EVC: variants seen among roughly 807,000 people sequenced by gnomAD.
EVC encodes the protein EvC ciliary complex subunit 1.
A neutral mutation model predicts 118.9 loss-of-function variants in EVC; 116 were observed. The ratio of observed to expected loss-of-function variants is 0.98; its 90% CI spans 0.84 to 1.14. The LOEUF is 1.14. EVC is among the 50% of genes most tolerant of loss of function. The probability of loss-of-function intolerance (pLI) is 0.00; values close to 1 mark genes in which losing one functional copy is unlikely to be tolerated. For missense variants in EVC, 1,401 were observed against 1,246.4 expected, an observed-to-expected ratio of 1.12 and a Z score of -1.87; for synonymous variants, 619 against 534.7, an observed-to-expected ratio of 1.16 and a Z score of -2.18.
intron 11 of EVC, among the ~76,000 whole-genome samples, chr4:5,779,156 T>C (rs956579436): frequency 6.6e-6 from 1 of 150,596 alleles, no homozygotes; most frequent in African/African-American, 2.4e-5. Flanking sequence ...GTTGTAGATA[T>C]GCGGCATTAT....
chr4:5,808,114 G>C, intron 17 of EVC, 87 bp from the exon 18 acceptor site: 1 of 939,838 alleles, frequency 1.1e-6, no homozygotes, highest in Non-Finnish European at 1.5e-6. Flanking sequence ...GGGATCAGCA[G>C]CCTCCCTGCC....
chr4:5,796,247 C>T (rs983597465), intron 13 of EVC, among the ~76,000 whole-genome samples: 2 of 151,810 alleles, frequency 1.3e-5, no homozygotes, highest in African/African-American at 2.4e-5. Flanking sequence ...AAGGTTGTGT[C>T]TGACGATTCT....
chr4:5,790,096 C>T (rs1163023442), intron 12 of EVC, among the ~76,000 whole-genome samples: 1 of 147,460 alleles, frequency 6.8e-6, no homozygotes, highest in Non-Finnish European at 1.5e-5. Flanking sequence ...CAGGAGAATC[C>T]CTTGAACTCG....
chr4:5,798,546 AGG>A lies in EVC; in HGVS notation c.2098-39_2098-38del. The stretch of plus-strand genomic sequence containing the variant: ...GTCCTGGCCAGAGCTTCTCTGTGAG[AGG>A]AGCACTTGGCCCCTGCTCCCAGTCC... On this transcript the variant is annotated intron_variant, in intron 14 of 20. Transcript: ENST00000264956. The surrounding 1 kb of genome is among the most constrained non-coding windows in gnomAD (Gnocchi z 4.1). The A allele has an allele frequency of 6.5e-7, 1 of 1,536,754 alleles. No individual in the cohort carries two copies. Among genetic ancestry groups the A allele is most frequent in the African/African-American group, 1.4e-5 (1 of 72,850 alleles).
chr4:5,719,079 G>A lies in EVC; in HGVS notation c.175-169G>A, dbSNP rs1009528522. Among the ~76,000 whole-genome samples, 1 of 152,100 alleles carries A rather than the reference G, an allele frequency of 6.6e-6. No individual in the cohort carries two copies. Among genetic ancestry groups the A allele is most frequent in the African/African-American group, 2.4e-5 (1 of 41,400 alleles). On this transcript the variant is annotated intron_variant, in intron 1 of 20. Transcript: ENST00000264956. This position sits in a 1 kb window ranked among gnomAD's most constrained non-coding sequence, Gnocchi z 4.7. ...GAAGGACATGTAGCGGACCCCACGT[G>A]GGGTGGGAGGCGTCACACACAGAAG...
intron 11 of EVC, among the ~76,000 whole-genome samples, chr4:5,767,046 A>T (rs1186963381): frequency 3.4e-5 from 5 of 148,322 alleles, no homozygotes; most frequent in East Asian, 4.1e-4. Context: ...CTACTTTTGG[A>T]CTTTGACGAT....
rs1213349479 is a variant in EVC, at chr4:5,754,186, G to C, written c.1464+253G>C. On this transcript the variant is annotated intron_variant, in intron 10 of 20. Transcript: ENST00000264956. This position sits in a 1 kb window ranked among gnomAD's most constrained non-coding sequence, Gnocchi z 5.8. ...AAGAGGAGGGGGTAGGATCCGTAGA[G>C]AGCTTGGCAGAGTGCAGACGCATGG... 6.6e-6 allele frequency among the ~76,000 whole-genome samples: 1 copy of C among 152,218 alleles called. No homozygotes were observed. Among genetic ancestry groups the C allele is most frequent in the Non-Finnish European group, 1.5e-5 (1 of 68,044 alleles).
rs912786367 is a variant in EVC, at chr4:5,752,589, G to C, written c.1099-247G>C. 5 of 588,690 alleles carry C rather than the reference G, an allele frequency of 8.5e-6. No homozygotes were observed. The South Asian group carries it at 9.9e-5, about 12-fold the overall frequency. The allele number at this position is 588,690 out of a possible 1,614,324, so 36.5% of individuals were successfully genotyped here. A position where few individuals can be genotyped will look rare whatever the true frequency, so the allele number is the denominator to read the frequency against. ...TGGCCCTCTGGGGAGCGCTACTGGT[G>C]ACTAAGTGCCTACATGCTAAGCTGC... On this transcript the variant is annotated intron_variant, in intron 8 of 20. Coordinates refer to ENST00000264956, the MANE Select transcript of EVC (RefSeq NM_153717.3).
chr4:5,821,452 G>C, the EVC span: 2 of 382,312 alleles, frequency 5.2e-6, no homozygotes, highest in Non-Finnish European at 9.6e-6. This position sits in a 1 kb window ranked among gnomAD's most constrained non-coding sequence, Gnocchi z 4.4. Flanking sequence ...CATGGAGCCA[G>C]TGGAGTTAGA....
the EVC span, chr4:5,824,178 G>A: frequency 4.7e-4 from 180 of 383,240 alleles, no homozygotes; most frequent in Admixed American, 8.4e-4. Flanking sequence ...CATAACTCCA[G>A]AACAGTGGTC....
intron 11 of EVC, among the ~76,000 whole-genome samples, chr4:5,771,327 C>A (rs923960976): frequency 6.6e-6 from 1 of 152,114 alleles, no homozygotes; most frequent in Non-Finnish European, 1.5e-5. Context: ...TCTTCAGGGC[C>A]GGCTACTCCT....
At position 5,756,297 on chromosome 4, in the gene EVC, A is replaced by G. The variant is rs1390628791; in HGVS notation, c.1498A>G (p.Met500Val). The change falls in exon 11 of 21, where the codon ATG becomes GTG. Residue 500 changes from methionine (M) to valine (V), a missense_variant. Met to Val is a conservative substitution (Grantham distance 21). Transcript: ENST00000264956. This position sits in a 1 kb window ranked among gnomAD's most constrained non-coding sequence, Gnocchi z 4.2. ...TGAGGTCCTGGAGAGGCAGAGGCTG[A>G]TGCAGTGTGACCTGGAGGAAGAGGA... ...FHEVLERQRL[M>V]QCDLEEEENV... 6.2e-7 allele frequency: 1 copy of G among 1,612,882 alleles called. No individual in the cohort carries two copies. The highest frequency in any genetic ancestry group is 1.1e-5 in the South Asian group (1 of 90,534).
Position 5,731,956 on chromosome 4 carries a change from G to A in EVC, c.617+299G>A, listed in dbSNP as rs1200482657. Reference sequence around the variant, plus strand: ...CGAAGTTGATTAAGTGGGTACTTCTGAGTACCGGGCAGAGTGCTAAGCACT... The same window carrying A: ...CGAAGTTGATTAAGTGGGTACTTCTAAGTACCGGGCAGAGTGCTAAGCACT... On this transcript the variant is annotated intron_variant, in intron 4 of 20. Coordinates refer to ENST00000264956, the MANE Select transcript of EVC (RefSeq NM_153717.3). This position sits in a 1 kb window ranked among gnomAD's most constrained non-coding sequence, Gnocchi z 5.6. 2.1e-5 allele frequency among the ~76,000 whole-genome samples: 3 copies of A among 142,880 alleles called. No homozygotes were observed. Among genetic ancestry groups the A allele is most frequent in the Admixed American group, 2.0e-4 (3 of 14,648 alleles). 93.7% of individuals were successfully genotyped at this position (142,880 alleles called of 152,430 possible). A position where few individuals can be genotyped will look rare whatever the true frequency, so the allele number is the denominator to read the frequency against.
At chr4:5,822,495 G>GGC in the EVC span, among the ~76,000 whole-genome samples, 2 of 83,038 alleles carry the variant, frequency 2.4e-5, no homozygotes, top group Non-Finnish European at 4.2e-5. Context: ...GGATCTGAAG[G>GGC]GGGGGGGGGT....
rs868208845 is a variant in EVC at position 5,798,261 on chromosome 4, C to T, written c.2098-325C>T. ...AAGTTACTTAACTTCTCTGAGCCTT[C>T]GTGTCCTCCTCAGTGCTAGTGTTCA... On this transcript the variant is annotated intron_variant, in intron 14 of 20. Transcript: ENST00000264956. The surrounding 1 kb of genome is among the most constrained non-coding windows in gnomAD (Gnocchi z 4.1). 1.3e-5 allele frequency among the ~76,000 whole-genome samples: 2 copies of T among 152,202 alleles called. No individual in the cohort carries two copies. The highest frequency in any genetic ancestry group is 6.5e-5 in the Admixed American group (1 of 15,278).
chr4:5,771,780 T>C (rs1211711057), intron 11 of EVC, among the ~76,000 whole-genome samples: 2 of 152,204 alleles, frequency 1.3e-5, no homozygotes, highest in Non-Finnish European at 2.9e-5. Flanking sequence ...TTTATTAGGC[T>C]TAAAGGGTTA....
chr4:5,718,414 G>A lies in EVC; in HGVS notation c.175-834G>A, dbSNP rs192076297. 2.0e-5 allele frequency among the ~76,000 whole-genome samples: 3 copies of A among 152,106 alleles called. No homozygotes were observed. In the East Asian group the frequency reaches 5.8e-4, roughly 29 times the overall value. On this transcript the variant is annotated intron_variant, in intron 1 of 20. Transcript: ENST00000264956. ...TGTAACACACCCATTTCTCCAGAGG[G>A]CATGTCATAGTTTTCTTGTGTTTCG... is the stretch of plus-strand genomic sequence containing the variant.
chr4:5,826,485 C>CACCTCCACACCAGCCTGCAG, the EVC span: 3 of 152,426 alleles, frequency 2.0e-5, no homozygotes, highest in Admixed American at 6.6e-5. Flanking sequence ...TGCAGGAGGA[C>CACCTCCACACCAGCCTGCAG]GAGGAAGGAG....
At position 5,753,865 on chromosome 4, in the gene EVC, C is replaced by G. The variant is rs753064604; in HGVS notation, c.1396C>G (p.Gln466Glu). Residue 466 changes from glutamine to glutamate, a missense_variant, in exon 10 of 21, where the codon CAA becomes GAA. Coordinates refer to ENST00000264956, the MANE Select transcript of EVC (RefSeq NM_153717.3). ...VEGTAKLTLA[Q>E]EEEQRSFLAE... ...GGGAACGGCAAAACTCACGCTGGCC[C>G]AAGAGGAGGAACAGAGAAGCTTCCT... The G allele has an allele frequency of 1.2e-6, 2 of 1,614,020 alleles. No homozygotes were observed. The highest frequency in any genetic ancestry group is 1.3e-5 in the African/African-American group (1 of 75,030).
Sources: gnomAD v4.1 joint callset for allele counts (sites outside exome capture counted in the v4.1 genomes callset) on GRCh38, gnomAD v4.1.1 for gene constraint, Gnocchi (gnomAD v3.1) non-coding constraint, MANE v1.5 for transcripts, NCBI Gene and HGNC (gene_info 2026-07-23, HGNC 2026-07-21) for gene names.